C12orf42: variants seen among roughly 807,000 people sequenced by gnomAD.
C12orf42 encodes the protein uncharacterized protein C12orf42.
C12orf42 carries 25 observed loss-of-function variants against 21.6 expected under a neutral mutation model. The ratio of observed to expected loss-of-function variants is 1.16; its 90% CI spans 0.84 to 1.62. C12orf42 has a LOEUF of 1.62. C12orf42 is among the 40% of genes most tolerant of loss of function. The probability of loss-of-function intolerance (pLI) is 0.00; values close to 1 mark genes in which losing one functional copy is unlikely to be tolerated. For synonymous variants in C12orf42, 174 were observed against 175.0 expected, an observed-to-expected ratio of 0.99 and a Z score of 0.05; for missense variants, 483 against 459.3, an observed-to-expected ratio of 1.05 and a Z score of -0.47.
At position 103,494,139 on chromosome 12, in the gene C12orf42, A is replaced by C. The variant is rs981938114; in HGVS notation, c.-22+1763T>G. Among the ~76,000 whole-genome samples, 6 of 152,348 alleles carry C rather than the reference A, an allele frequency of 3.9e-5. No individual in the cohort carries two copies. The East Asian group carries it at 7.7e-4, about 20-fold the overall frequency. On this transcript the variant is annotated intron_variant, in intron 1 of 5. Coordinates refer to ENST00000548883, the MANE Select transcript of C12orf42 (RefSeq NM_198521.5). ...AACCCTCTCTTAGGGCCATGGGTACATGAGGCATCATTTCTCCACAATAGC... is the reference window on the plus strand; with the variant it reads ...AACCCTCTCTTAGGGCCATGGGTACCTGAGGCATCATTTCTCCACAATAGC...
At chr12:103,225,949 G>A in the C12orf42 span, among the ~76,000 whole-genome samples, 14 of 152,236 alleles carry the variant, frequency 9.2e-5, no homozygotes, top group African/African-American at 2.7e-4. Flanking sequence ...GTCTTCAGCC[G>A]CTAAGCCGAG....
chr12:103,217,875 T>C, the C12orf42 span, among the ~76,000 whole-genome samples: 4 of 152,214 alleles, frequency 2.6e-5, no homozygotes, highest in Non-Finnish European at 5.9e-5. Flanking sequence ...CTTGCTAACA[T>C]CTTTCTTATC....
At chr12:103,251,481 GA>G (rs1471456110) in intron 10 of C12orf42, among the ~76,000 whole-genome samples, 1 of 152,114 alleles carries the variant, frequency 6.6e-6, no homozygotes, top group Non-Finnish European at 1.5e-5. Context: ...TTTGAACCCT[GA>G]CTGAAAATTG....
At chr12:103,474,580 T>C (rs563425842) in intron 2 of C12orf42, among the ~76,000 whole-genome samples, 169 of 152,242 alleles carry the variant, frequency 1.1e-3, no homozygotes, top group African/African-American at 3.9e-3. Flanking sequence ...TAAAGAACCA[T>C]GATAAGTTTG....
At chr12:103,306,789 T>A (rs138645728) in intron 4 of C12orf42, among the ~76,000 whole-genome samples, 28 of 152,110 alleles carry the variant, frequency 1.8e-4, no homozygotes, top group Non-Finnish European at 3.2e-4. Flanking sequence ...GGAAATAGGG[T>A]CTTTGAAGAT....
intron 10 of C12orf42, among the ~76,000 whole-genome samples, chr12:103,239,387 T>C (rs1245242783): frequency 6.6e-6 from 1 of 152,158 alleles, no homozygotes; most frequent in Non-Finnish European, 1.5e-5. Flanking sequence ...GTCTCACCTG[T>C]CTTCTCTCTG....
At position 103,368,832 on chromosome 12, in the gene C12orf42, A is replaced by G. The variant is rs530138992; in HGVS notation, c.259+55T>C. ...ATCTTTATGATTATTACCTGTACAT[A>G]GTCCAGAGTTTCTTTGGAAACTCTG... On this transcript the variant is annotated intron_variant, in intron 4 of 5. Transcript: ENST00000548883. 12 of 888,450 alleles carry G rather than the reference A, an allele frequency of 1.4e-5. No homozygotes were observed. In the African/African-American group the frequency reaches 1.4e-4, roughly 10 times the overall value. The allele number at this position is 888,450 out of a possible 1,614,324, so 55.0% of individuals were successfully genotyped here. A position where few individuals can be genotyped will look rare whatever the true frequency, so the allele number is the denominator to read the frequency against.
chr12:103,094,862 A>G, the C12orf42 span, among the ~76,000 whole-genome samples: 1 of 152,238 alleles, frequency 6.6e-6, no homozygotes. Context: ...AAAGCTGTTC[A>G]ATTCCTGAGC....
chr12:103,294,474 TAAGC>T (rs769684000), intron 4 of C12orf42, among the ~76,000 whole-genome samples: 11 of 79,930 alleles, frequency 1.4e-4, no homozygotes, highest in South Asian at 7.6e-4. Flanking sequence ...AAGAAAGAAA[TAAGC>T]AAGCAAGCAA....
At chr12:103,140,208 C>G in the C12orf42 span, among the ~76,000 whole-genome samples, 1 of 152,176 alleles carries the variant, frequency 6.6e-6, no homozygotes, top group Non-Finnish European at 1.5e-5. Context: ...CAACAATACA[C>G]ACATTTTATA....
At chr12:103,381,098 A>G (rs552397005) in intron 3 of C12orf42, among the ~76,000 whole-genome samples, 314 of 152,304 alleles carry the variant, frequency 2.1e-3, no homozygotes, top group Admixed American at 4.1e-3. Context: ...TTCTGACACT[A>G]TCCTGAAGCA....
intron 3 of C12orf42, among the ~76,000 whole-genome samples, chr12:103,372,164 T>C (rs112385923): frequency 2.1e-3 from 324 of 152,186 alleles, no homozygotes; most frequent in African/African-American, 7.3e-3. Flanking sequence ...CATTCCCTCC[T>C]CTGCAGTCCT....
At chr12:103,456,688 A>G (rs1952318527) in intron 2 of C12orf42, among the ~76,000 whole-genome samples, 1 of 152,174 alleles carries the variant, frequency 6.6e-6, no homozygotes, top group Non-Finnish European at 1.5e-5. Flanking sequence ...GGTACTGTCT[A>G]TATACTTCCA....
At chr12:103,374,413 G>C (rs2045519481) in intron 3 of C12orf42, among the ~76,000 whole-genome samples, 4 of 152,098 alleles carry the variant, frequency 2.6e-5, no homozygotes, top group Non-Finnish European at 5.9e-5. Context: ...GGATGGTAGA[G>C]TCTGTGGCTG....
At chr12:103,549,271 AT>A in the C12orf42 span, among the ~76,000 whole-genome samples, 4 of 150,712 alleles carry the variant, frequency 2.7e-5, no homozygotes, top group East Asian at 7.7e-4. Flanking sequence ...TCAACTTTTT[AT>A]TTTTAAACAA....
chr12:103,201,405 T>C, the C12orf42 span, among the ~76,000 whole-genome samples: 1 of 152,038 alleles, frequency 6.6e-6, no homozygotes, highest in Non-Finnish European at 1.5e-5. Flanking sequence ...TTGTCGGATA[T>C]CCTATAAAAT....
In C12orf42 at chr12:103,401,763, T is replaced by C. The variant is rs532513150; in HGVS notation, c.79-88A>G. ...ATTCCTGAGATGGTTTTTAGGCAGA[T>C]CAGAAGCTAATTCTTTCAAACAATG... On this transcript the variant is annotated intron_variant, in intron 2 of 5. Transcript: ENST00000548883. 2.7e-5 allele frequency: 34 copies of C among 1,241,074 alleles called. 1 individual carries two copies. Among genetic ancestry groups the C allele is most frequent in the Non-Finnish European group, 2.3e-6 (2 of 860,284 alleles). 76.9% of individuals were successfully genotyped at this position (1,241,074 alleles called of 1,614,324 possible).
chr12:103,307,400 A>T (rs1350128786), intron 4 of C12orf42, among the ~76,000 whole-genome samples: 2 of 152,218 alleles, frequency 1.3e-5, no homozygotes, highest in African/African-American at 4.8e-5. Context: ...CCAGCAGTTG[A>T]TATGGGTTTC....
At chr12:103,140,750 A>G in the C12orf42 span, among the ~76,000 whole-genome samples, 3 of 152,174 alleles carry the variant, frequency 2.0e-5, no homozygotes, top group Non-Finnish European at 2.9e-5. Flanking sequence ...TGGCACCAAT[A>G]AAGCTGAAAG....
Sources: gnomAD v4.1 joint callset for allele counts (sites outside exome capture counted in the v4.1 genomes callset) on GRCh38, gnomAD v4.1.1 for gene constraint, MANE v1.5 for transcripts, NCBI Gene and HGNC (gene_info 2026-07-23, HGNC 2026-07-21) for gene names.